PIK3CB: variants seen among roughly 807,000 people sequenced by gnomAD.
PIK3CB encodes phosphatidylinositol 4,5-bisphosphate 3-kinase catalytic subunit beta isoform.
In PIK3CB, 39 loss-of-function variants were observed where a neutral mutation model predicts 136.8. That is an observed-to-expected ratio of 0.29 (90% confidence interval 0.22 to 0.37). The LOEUF is 0.37. PIK3CB is among the 10% of genes least tolerant of loss of function. PIK3CB has a pLI of 1.00. For missense variants in PIK3CB, 868 were observed against 1,275.4 expected (o/e 0.68, Z 4.87); for synonymous variants, 428 against 436.6 (o/e 0.98, Z 0.25).
At chr3:138,825,116 C>A in intron 1 of PIK3CB, 1 of 287,586 alleles carries the variant, frequency 3.5e-6, no homozygotes, top group Non-Finnish European at 6.3e-6. Flanking sequence ...TCAAGTATGC[C>A]TGGGTCTTGG....
At chr3:138,734,930 A>G (rs564708381) in intron 6 of PIK3CB, 126 bp from the exon 7 acceptor site, 4 of 538,010 alleles carry the variant, frequency 7.4e-6, no homozygotes, top group Non-Finnish European at 1.2e-5. Flanking sequence ...ACAGCAGAAT[A>G]TCAAGAAATT....
intron 14 of PIK3CB, among the ~76,000 whole-genome samples, chr3:138,692,238 G>A (rs1448139067): frequency 6.6e-6 from 1 of 152,118 alleles, no homozygotes; most frequent in African/African-American, 2.4e-5. Context: ...AATGGTTAAG[G>A]AATTAGTAGT....
intron 8 of PIK3CB, among the ~76,000 whole-genome samples, chr3:138,720,469 C>A (rs929638483): frequency 2.6e-5 from 4 of 152,210 alleles, no homozygotes; most frequent in Non-Finnish European, 5.9e-5. Context: ...CCATCACACT[C>A]GTCTGGAAGT....
chr3:138,821,439 A>G (rs557724533), intron 1 of PIK3CB, among the ~76,000 whole-genome samples: 55 of 152,130 alleles, frequency 3.6e-4, no homozygotes, highest in African/African-American at 1.2e-3. Context: ...GATATTAGAC[A>G]ATACTTGTGA....
At chr3:138,739,231 G>C (rs2045184478) in intron 5 of PIK3CB, among the ~76,000 whole-genome samples, 1 of 151,834 alleles carries the variant, frequency 6.6e-6, no homozygotes, top group African/African-American at 2.4e-5. Context: ...AGATAATGAG[G>C]TCAGGAGATC....
chr3:138,679,414 G>A (rs1020727762), intron 19 of PIK3CB, among the ~76,000 whole-genome samples: 1 of 151,972 alleles, frequency 6.6e-6, no homozygotes, highest in South Asian at 2.1e-4. Flanking sequence ...TCTCACCTTG[G>A]CCTTCCAAAA....
At chr3:138,664,124 TGAG>T in intron 20 of PIK3CB, 95 bp from the exon 21 acceptor site, 24 of 1,418,612 alleles carry the variant, frequency 1.7e-5, no homozygotes, top group Non-Finnish European at 1.6e-5. Context: ...TTTTTAATTG[TGAG>T]GAGAACACAG....
At chr3:138,766,176 A>G (rs1439929470) in intron 2 of PIK3CB, among the ~76,000 whole-genome samples, 1 of 152,152 alleles carries the variant, frequency 6.6e-6, no homozygotes, top group Non-Finnish European at 1.5e-5. Flanking sequence ...TCTGAAAATG[A>G]TGTATTTTTT....
At chr3:138,714,853 A>G (rs1173914447) in intron 8 of PIK3CB, 134 bp from the exon 9 acceptor site, 1 of 795,012 alleles carries the variant, frequency 1.3e-6, no homozygotes, top group Non-Finnish European at 1.9e-6. Flanking sequence ...TACTGGAAGA[A>G]GAAACATGCC....
Position 138,699,012 on chromosome 3 carries a change from C to T in PIK3CB, c.1665G>A (p.Met555Ile), listed in dbSNP as rs2108530559. ...CTTGTCGCAAAGTCCAAATAAGATC[C>T]ATTTCATTTTCACACAGTTGAGACA... ...DPLSQLCENE[M>I]DLIWTLRQDC... is the part of the protein sequence containing the mutation. The change falls in exon 13 of 24, where the codon ATG (methionine) becomes ATA (isoleucine). Residue 555 changes from methionine to isoleucine, a missense_variant. Physicochemically the swap from Met to Ile is conservative, Grantham distance 10. Transcript: ENST00000674063. 6.2e-7 allele frequency: 1 copy of T among 1,605,866 alleles called. No homozygotes were observed. Among genetic ancestry groups the T allele is most frequent in the Non-Finnish European group, 8.5e-7 (1 of 1,174,230 alleles).
At chr3:138,756,774 T>C (rs1012465529) in intron 3 of PIK3CB, among the ~76,000 whole-genome samples, 5 of 152,108 alleles carry the variant, frequency 3.3e-5, no homozygotes, top group African/African-American at 1.2e-4. Context: ...ATAATAATGA[T>C]AGGTAAACTT....
At position 138,759,190 on chromosome 3, in the gene PIK3CB, T is replaced by C; in HGVS notation, c.154A>G (p.Ile52Val). ...IQLEVPREAT[I>V]SYIKQMLWKQ... ...TAACATACCTGCTTAATATAAGAAA[T>C]GGTAGCTTCCCGAGGTACCTCCAAC... The change falls in exon 3 of 24, where the codon ATT becomes GTT. Residue 52 changes from isoleucine to valine, a missense_variant. Ile to Val is a conservative substitution (Grantham distance 29). Transcript: ENST00000674063. The C allele has an allele frequency of 1.9e-6, 3 of 1,609,040 alleles. No individual in the cohort carries two copies. Among genetic ancestry groups the C allele is most frequent in the Non-Finnish European group, 2.6e-6 (3 of 1,176,210 alleles).
chr3:138,655,993 T>C, intron 23 of PIK3CB, 149 bp downstream of exon 23: 1 of 761,046 alleles, frequency 1.3e-6, no homozygotes, highest in South Asian at 1.9e-5. Context: ...CTCCTTTATG[T>C]ACTTCCCAGA....
rs1468722344 is a variant in PIK3CB, at chr3:138,712,211, G to A, written c.1396C>T (p.Pro466Ser). The stretch of plus-strand genomic sequence containing the variant: ...AGGATAAGAATGTAAATCTTACCAG[G>A]AAATGAAGACCAGCTGTGTAATATT... ...DIILHSWSSF[P>S]DELEEMLNPM... The change falls in exon 10 of 24, where the codon CCT (proline) becomes TCT (serine). Residue 466 changes from proline (P) to serine (S), a missense_variant. Physicochemically the swap from Pro to Ser is moderately conservative, Grantham distance 74 (BLOSUM62 -1). Coordinates refer to ENST00000674063, the MANE Select transcript of PIK3CB (RefSeq NM_006219.3). The A allele has an allele frequency of 2.7e-6, 4 of 1,508,916 alleles. No homozygotes were observed. The Admixed American group carries it at 5.4e-5, about 20-fold the overall frequency. The allele number at this position is 1,508,916 out of a possible 1,614,324, so 93.5% of individuals were successfully genotyped here.
At chr3:138,831,280 TA>T (rs1934024529) in intron 1 of PIK3CB, among the ~76,000 whole-genome samples, 1 of 149,022 alleles carries the variant, frequency 6.7e-6, no homozygotes, top group African/African-American at 2.5e-5. Flanking sequence ...TAAAATAAAA[TA>T]AAATTAAATT....
intron 2 of PIK3CB, among the ~76,000 whole-genome samples, chr3:138,773,852 A>G (rs1449740430): frequency 1.3e-5 from 2 of 152,154 alleles, no homozygotes. Flanking sequence ...CCTTGCTGAA[A>G]CCCATTCAAG....
In PIK3CB at chr3:138,710,418, C is replaced by T. The variant is rs1367686734; in HGVS notation, c.1399+1790G>A. Among the ~76,000 whole-genome samples the T allele has an allele frequency of 2.6e-5, 4 of 152,034 alleles. No homozygotes were observed. The South Asian group carries it at 8.3e-4, about 31-fold the overall frequency. On this transcript the variant is annotated intron_variant, in intron 10 of 23. Coordinates refer to ENST00000674063, the MANE Select transcript of PIK3CB (RefSeq NM_006219.3). Reference sequence around the variant, plus strand: ...AGTACATGAACATTTTGAAATGTCACTTACAAAGCCATGAATTAAAAAATT... The same window carrying T: ...AGTACATGAACATTTTGAAATGTCATTTACAAAGCCATGAATTAAAAAATT...
rs1379286326 is a variant in PIK3CB, at chr3:138,707,185, G to A, written c.1504C>T (p.Pro502Ser). The A allele has an allele frequency of 6.2e-7, 1 of 1,605,420 alleles. No individual in the cohort carries two copies. The highest frequency in any genetic ancestry group is 2.2e-5 in the East Asian group (1 of 44,756). ...HVKFPENKKQ[P>S]YYYPPFDKII... Reference sequence around the variant, plus strand: ...TTATCGAAGGGAGGGTAATAATAAGGTTGTTTTTTATTCTCTGGAAATTTA... The same window carrying A: ...TTATCGAAGGGAGGGTAATAATAAGATTGTTTTTTATTCTCTGGAAATTTA... Residue 502 changes from proline (P) to serine (S), a missense_variant, in exon 11 of 24, where the codon CCT (proline) becomes TCT (serine). Physicochemically the swap from Pro to Ser is moderately conservative, Grantham distance 74. Coordinates refer to ENST00000674063, the MANE Select transcript of PIK3CB (RefSeq NM_006219.3).
Position 138,742,554 on chromosome 3 carries a change from C to T in PIK3CB, c.621+4G>A, listed in dbSNP as rs1051954615. On this transcript the variant is annotated splice_donor_region_variant and intron_variant, in intron 5 of 23. Coordinates refer to ENST00000674063, the MANE Select transcript of PIK3CB (RefSeq NM_006219.3). ...AAATATTTCTTAAAAAAATATAATCCTACCTGGCAGTTTTCAAAATGAACA... is the reference window on the plus strand; with the variant it reads ...AAATATTTCTTAAAAAAATATAATCTTACCTGGCAGTTTTCAAAATGAACA... 2 of 1,367,572 alleles carry T rather than the reference C, an allele frequency of 1.5e-6. No individual in the cohort carries two copies. Among genetic ancestry groups the T allele is most frequent in the Non-Finnish European group, 2.0e-6 (2 of 975,880 alleles). The allele number at this position is 1,367,572 out of a possible 1,614,324, so 84.7% of individuals were successfully genotyped here.
Sources: gnomAD v4.1 joint callset for allele counts (sites outside exome capture counted in the v4.1 genomes callset) on GRCh38, gnomAD v4.1.1 for gene constraint, MANE v1.5 for transcripts, NCBI Gene and HGNC (gene_info 2026-07-23, HGNC 2026-07-21) for gene names.